The following CD8B2 variants were observed in gnomAD, a reference collection of about 807,000 sequenced individuals.
CD8B2 encodes T-cell surface glycoprotein CD8 beta-2 chain.
Under a neutral mutation model 23.7 loss-of-function variants are expected in CD8B2, and 11 were observed. That is an observed-to-expected ratio of 0.46 (90% CI 0.29 to 0.77). CD8B2 has a LOEUF of 0.77. Ranked by LOEUF, CD8B2 falls within the 30% of genes least tolerant of loss-of-function variation. CD8B2 has a pLI of 0.09. For missense variants in CD8B2, 197 were observed against 270.5 expected, an observed-to-expected ratio of 0.73 and a Z score of 1.91; for synonymous variants, 90 against 109.3, an observed-to-expected ratio of 0.82 and a Z score of 1.10.
intron 5 of CD8B2, among the ~76,000 whole-genome samples, chr2:106,542,671 G>A (rs946034093): frequency 1.4e-5 from 2 of 147,458 alleles, no homozygotes; most frequent in African/African-American, 4.9e-5. Flanking sequence ...TATTATATAT[G>A]AAGTATATAT....
chr2:106,497,448 G>A (rs1301601217), intron 3 of CD8B2, among the ~76,000 whole-genome samples: 2 of 152,094 alleles, frequency 1.3e-5, no homozygotes, highest in Non-Finnish European at 2.9e-5. Context: ...CCATGCACAC[G>A]CTTTCCTTAA....
chr2:106,515,751 A>G (rs1679718941), downstream of CD8B2, among the ~76,000 whole-genome samples: 1 of 152,196 alleles, frequency 6.6e-6, no homozygotes, highest in South Asian at 2.1e-4. Flanking sequence ...CAACAGGATC[A>G]ACAGCATCAA....
At chr2:106,539,398 G>A (rs1680139137) in intron 5 of CD8B2, among the ~76,000 whole-genome samples, 1 of 152,196 alleles carries the variant, frequency 6.6e-6, no homozygotes, top group Non-Finnish European at 1.5e-5. Flanking sequence ...AAAATTTAGA[G>A]AACTACTTTA....
intron 5 of CD8B2, among the ~76,000 whole-genome samples, chr2:106,523,955 T>G (rs1000993286): frequency 3.3e-5 from 5 of 152,222 alleles, no homozygotes; most frequent in African/African-American, 1.2e-4. Flanking sequence ...AACTTTCAAG[T>G]GTTAAGCCTA....
chr2:106,489,908 T>C (rs1353747271), intron 1 of CD8B2, among the ~76,000 whole-genome samples: 2 of 152,120 alleles, frequency 1.3e-5, no homozygotes, highest in Non-Finnish European at 2.9e-5. Flanking sequence ...GAGGCTGGGT[T>C]CTGGGCCGGG....
chr2:106,524,892 A>C (rs115306848), intron 5 of CD8B2, among the ~76,000 whole-genome samples: 2,103 of 152,250 alleles, frequency 0.014, 23 homozygotes, highest in Non-Finnish European at 0.017. Context: ...TCTGAGGCCC[A>C]CGTCCCTCCC....
chr2:106,538,420 A>G (rs746455492), intron 5 of CD8B2, among the ~76,000 whole-genome samples: 2 of 152,156 alleles, frequency 1.3e-5, no homozygotes, highest in African/African-American at 2.4e-5. Flanking sequence ...ATTGATCAGA[A>G]GTAGCTTTCT....
At chr2:106,512,695 T>G (rs577150783), downstream of CD8B2, among the ~76,000 whole-genome samples, 1 of 152,282 alleles carries the variant, frequency 6.6e-6, no homozygotes, top group South Asian at 2.1e-4. Context: ...TCCTCCCACC[T>G]TAGCCTCCCA....
chr2:106,500,560 A>AATTAATTAAT (rs1553466761), intron 3 of CD8B2, among the ~76,000 whole-genome samples: 136 of 119,066 alleles, frequency 1.1e-3, no homozygotes, highest in Middle Eastern at 4.3e-3. Flanking sequence ...AAATAAATAA[A>AATTAATTAAT]TAATTAAAAA....
intron 5 of CD8B2, among the ~76,000 whole-genome samples, chr2:106,506,144 A>G (rs1424968126): frequency 6.6e-6 from 1 of 152,160 alleles, no homozygotes; most frequent in Non-Finnish European, 1.5e-5. Context: ...TCAAAAAAAA[A>G]AAAAGAAAGT....
chr2:106,506,258 C>G (rs1274388288), intron 5 of CD8B2, among the ~76,000 whole-genome samples: 1 of 152,074 alleles, frequency 6.6e-6, no homozygotes, highest in Non-Finnish European at 1.5e-5. Context: ...TTAACTTGCT[C>G]CCCAGTGATC....
At chr2:106,541,952 A>C (rs1189057118) in intron 5 of CD8B2, among the ~76,000 whole-genome samples, 1 of 152,194 alleles carries the variant, frequency 6.6e-6, no homozygotes, top group African/African-American at 2.4e-5. Flanking sequence ...TGTAAGCTAG[A>C]GGTCAAGGCT....
In CD8B2 at chr2:106,491,187, C is replaced by A; in HGVS notation, c.357C>A (p.Val119=). Residue 119 remains valine (V), a synonymous_variant, in exon 2 of 6, where the codon GTC becomes GTA. Coordinates refer to ENST00000643224, the MANE Select transcript of CD8B2 (RefSeq NM_001349727.2). ...EDSGIYFCMI[V]GSPELTFGKG... ...GTGGCATCTACTTCTGCATGATCGT[C>A]GGGAGCCCCGAGCTGACCTTCGGGA... 8 of 1,613,258 alleles carry A rather than the reference C, an allele frequency of 5.0e-6. No individual in the cohort carries two copies. Among genetic ancestry groups the A allele is most frequent in the East Asian group, 2.2e-5 (1 of 44,868 alleles).
Position 106,511,008 on chromosome 2 carries a change from A to T in CD8B2, c.*4068A>T, listed in dbSNP as rs1285741687. 1 of 152,202 alleles carries T rather than the reference A, an allele frequency of 6.6e-6. No individual in the cohort carries two copies. The highest frequency in any genetic ancestry group is 2.4e-5 in the African/African-American group (1 of 41,450). 9.4% of individuals were successfully genotyped at this position (152,202 alleles called of 1,614,324 possible). A position where few individuals can be genotyped will look rare whatever the true frequency, so the allele number is the denominator to read the frequency against. ...GGGAATTTCCACTTCTGCTTTGTAC[A>T]GTTCCTTGTGTGAATTTTTACATCA... On this transcript the variant is annotated 3_prime_UTR_variant, in exon 6 of 6. Transcript: ENST00000643224.
In CD8B2 at chr2:106,508,504, TG is replaced by T. The variant is rs1679558463; in HGVS notation, c.*1566del. 6.6e-6 allele frequency: 1 copy of T among 152,046 alleles called. No homozygotes were observed. Among genetic ancestry groups the T allele is most frequent in the African/African-American group, 2.4e-5 (1 of 41,384 alleles). 9.4% of individuals were successfully genotyped at this position (152,046 alleles called of 1,614,324 possible). A position where few individuals can be genotyped will look rare whatever the true frequency, so the allele number is the denominator to read the frequency against. On this transcript the variant is annotated 3_prime_UTR_variant, in exon 6 of 6. Transcript: ENST00000643224. ...CTTGAGTGTAAGTTGTCCAGGTCCT[TG>T]GCATTTTGAACAAAGAACTGAACAA...
At chr2:106,500,621 C>T (rs1162847513) in intron 3 of CD8B2, among the ~76,000 whole-genome samples, 1 of 151,736 alleles carries the variant, frequency 6.6e-6, no homozygotes, top group African/African-American at 2.4e-5. Context: ...TTAGTATGTA[C>T]TTAGCACATA....
At chr2:106,535,441 G>A (rs1052773163) in intron 5 of CD8B2, 4 of 137,428 alleles carry the variant, frequency 2.9e-5, no homozygotes, top group African/African-American at 9.3e-5. Flanking sequence ...ATGCAAAGAA[G>A]GTCCTTGTGT....
rs538880456 is a variant in CD8B2 at position 106,509,716 on chromosome 2, C to T, written c.*2776C>T. 6.6e-6 allele frequency: 1 copy of T among 152,174 alleles called. No individual in the cohort carries two copies. The highest frequency in any genetic ancestry group is 1.9e-4 in the East Asian group (1 of 5,172). 9.4% of individuals were successfully genotyped at this position (152,174 alleles called of 1,614,324 possible). A position where few individuals can be genotyped will look rare whatever the true frequency, so the allele number is the denominator to read the frequency against. On this transcript the variant is annotated 3_prime_UTR_variant, in exon 6 of 6. Coordinates refer to ENST00000643224, the MANE Select transcript of CD8B2 (RefSeq NM_001349727.2). The stretch of plus-strand genomic sequence containing the variant: ...GCAGTGAGAAGGTCTGCACCCAGCA[C>T]CTGACCTTTGTTTGAAGAAGGAACT...
chr2:106,544,169 C>T (rs1442952360), exon 6 of CD8B2: 6 of 397,812 alleles, frequency 1.5e-5, no homozygotes, highest in African/African-American at 6.2e-5. Context: ...GCGTGTCTAG[C>T]GAGGCCATCC....
Sources: allele counts gnomAD v4.1 joint callset (sites outside exome capture counted in the v4.1 genomes callset), GRCh38; gene constraint gnomAD v4.1.1; transcripts MANE v1.5; gene names NCBI Gene and HGNC (gene_info 2026-07-23, HGNC 2026-07-21).